Variants in KAZN observed in about 807,000 individuals in gnomAD.
KAZN encodes the protein kazrin, periplakin interacting protein.
KAZN carries 40 observed loss-of-function variants against 87.4 expected under a neutral mutation model. The ratio of observed to expected loss-of-function variants is 0.46; its 90% confidence interval spans 0.36 to 0.60. The LOEUF (loss-of-function observed/expected upper bound fraction) is 0.60, where lower values mean the gene tolerates loss of function less well. KAZN is among the 20% of genes least tolerant of loss of function. KAZN has a pLI of 0.00. For synonymous variants in KAZN, 466 were observed against 458.3 expected, an observed-to-expected ratio of 1.02 and a Z score of -0.22; for missense variants, 898 against 1,073.9, an observed-to-expected ratio of 0.84 and a Z score of 2.29.
rs1640447173 is a variant in KAZN at position 14,014,016 on chromosome 1, G to T, written c.91+120260G>T. 2.6e-5 allele frequency among the ~76,000 whole-genome samples: 4 copies of T among 152,294 alleles called. No homozygotes were observed. The South Asian group carries it at 8.3e-4, about 32-fold the overall frequency. The stretch of plus-strand genomic sequence containing the variant: ...TCCTCAGGAGGAACGGGTGTTGCTT[G>T]TCCTTGCATTAAATAGCTTTAGGCT... On this transcript the variant is annotated intron_variant, in intron 1 of 16. Coordinates refer to the KAZN transcript ENST00000636203.
Position 14,954,944 on chromosome 1 carries a change from T to C in KAZN, c.227-5740T>C, listed in dbSNP as rs528800747. Among the ~76,000 whole-genome samples, 90 of 152,208 alleles carry C rather than the reference T, an allele frequency of 5.9e-4. 2 individuals are homozygous for C. Among genetic ancestry groups the C allele is most frequent in the Middle Eastern group, 3.4e-3 (1 of 294 alleles). The stretch of plus-strand genomic sequence containing the variant: ...TCCAGCCTGGGCGACAGCACGAGAC[T>C]CCATCTCAAAAAAGAAAAGATAGTC... On this transcript the variant is annotated intron_variant, in intron 1 of 14. Coordinates refer to ENST00000376030, the MANE Select transcript of KAZN (RefSeq NM_201628.3).
chr1:14,152,324 C>T (rs189007845), intron 1 of KAZN, among the ~76,000 whole-genome samples: 79 of 152,246 alleles, frequency 5.2e-4, no homozygotes, highest in Admixed American at 4.7e-3. Flanking sequence ...CGTACCTCCC[C>T]CTGACCCTCC....
chr1:14,063,366 C>T (rs575152072), intron 1 of KAZN, among the ~76,000 whole-genome samples: 1 of 152,222 alleles, frequency 6.6e-6, no homozygotes, highest in East Asian at 1.9e-4. Flanking sequence ...AACTACCTTC[C>T]TAGCTAGCTG....
At chr1:14,093,054 G>C (rs758124775) in intron 1 of KAZN, among the ~76,000 whole-genome samples, 1 of 152,068 alleles carries the variant, frequency 6.6e-6, no homozygotes, top group Non-Finnish European at 1.5e-5. Flanking sequence ...AGTCCCTGTT[G>C]CATCTGCCCC....
At chr1:14,819,533 C>A (rs899998687) in intron 1 of KAZN, among the ~76,000 whole-genome samples, 1 of 151,978 alleles carries the variant, frequency 6.6e-6, no homozygotes, top group Non-Finnish European at 1.5e-5. Flanking sequence ...AGAAATCCTG[C>A]CTCAAGACTG....
At chr1:14,373,553 A>C (rs532795752) in intron 2 of KAZN, among the ~76,000 whole-genome samples, 1 of 152,148 alleles carries the variant, frequency 6.6e-6, no homozygotes, top group Non-Finnish European at 1.5e-5. Flanking sequence ...TTCAAATGCT[A>C]ATCTCTTCCA....
At chr1:14,973,426 A>G (rs1665285091) in intron 2 of KAZN, among the ~76,000 whole-genome samples, 1 of 152,244 alleles carries the variant, frequency 6.6e-6, no homozygotes, top group South Asian at 2.1e-4. Flanking sequence ...ACACCTGAAC[A>G]AAGGGGCACG....
intron 8 of KAZN, among the ~76,000 whole-genome samples, chr1:15,071,614 G>A (rs1639511100): frequency 6.6e-6 from 1 of 152,178 alleles, no homozygotes; most frequent in Admixed American, 6.5e-5. Context: ...TCCCGTGGCT[G>A]GAAAATATGC....
chr1:14,907,937 G>A lies in KAZN; in HGVS notation c.227-52747G>A, dbSNP rs113392228. On this transcript the variant is annotated intron_variant, in intron 1 of 14. Coordinates refer to ENST00000376030, the MANE Select transcript of KAZN (RefSeq NM_201628.3). ...CCCTGTTTCATTAGGGCCATGAGTT[G>A]GACTTTGCTATGCCAACCCAGACTG... Among the ~76,000 whole-genome samples the A allele has an allele frequency of 7.2e-4, 109 of 152,322 alleles. 1 individual carries two copies. The Middle Eastern group carries it at 0.01, about 14-fold the overall frequency.
chr1:14,535,913 C>T (rs1198057188), intron 2 of KAZN, among the ~76,000 whole-genome samples: 1 of 152,130 alleles, frequency 6.6e-6, no homozygotes, highest in East Asian at 1.9e-4. Flanking sequence ...AATCAGGAAC[C>T]CAGATCACCA....
At chr1:14,883,300 G>A (rs867825441) in intron 1 of KAZN, among the ~76,000 whole-genome samples, 120 of 42,926 alleles carry the variant, frequency 2.8e-3, no homozygotes, top group African/African-American at 7.6e-3. Flanking sequence ...CATCTCAAAA[G>A]AAAGAAAGAA....
intron 1 of KAZN, among the ~76,000 whole-genome samples, chr1:14,139,667 A>G (rs891785961): frequency 1.3e-5 from 2 of 152,118 alleles, no homozygotes; most frequent in Non-Finnish European, 2.9e-5. Flanking sequence ...GCCAGGGCTG[A>G]TTGATATTAG....
chr1:14,052,559 A>AT (rs1331003241), intron 1 of KAZN, among the ~76,000 whole-genome samples: 1 of 151,828 alleles, frequency 6.6e-6, no homozygotes, highest in Non-Finnish European at 1.5e-5. Context: ...AACAAGAGAA[A>AT]TTGACAGGAA....
intron 1 of KAZN, among the ~76,000 whole-genome samples, chr1:14,729,539 G>A (rs774860643): frequency 2.6e-5 from 4 of 152,210 alleles, no homozygotes; most frequent in African/African-American, 4.8e-5. Flanking sequence ...GGAAGAGCAG[G>A]GAATTCCAGA....
chr1:14,495,282 C>T (rs1290255235), intron 2 of KAZN, among the ~76,000 whole-genome samples: 1 of 152,130 alleles, frequency 6.6e-6, no homozygotes, highest in African/African-American at 2.4e-5. Flanking sequence ...TAAAAGAAAA[C>T]CATAAAGAAA....
Position 14,784,728 on chromosome 1 carries a change from C to T in KAZN, c.227-175956C>T, listed in dbSNP as rs113259701. On this transcript the variant is annotated intron_variant, in intron 1 of 14. Coordinates refer to ENST00000376030, the MANE Select transcript of KAZN (RefSeq NM_201628.3). Reference sequence around the variant, plus strand: ...GAGCCAACACCATGCCACTGCACTCCGGCCTGGGCAACAGAGCAAGACTTT... The same window carrying T: ...GAGCCAACACCATGCCACTGCACTCTGGCCTGGGCAACAGAGCAAGACTTT... Among the ~76,000 whole-genome samples, 557 of 152,254 alleles carry T rather than the reference C, an allele frequency of 3.7e-3. 2 individuals carry two copies. Among genetic ancestry groups the T allele is most frequent in the African/African-American group, 0.012 (509 of 41,534 alleles).
chr1:14,468,193 G>A (rs186789587), intron 2 of KAZN, among the ~76,000 whole-genome samples: 13 of 152,262 alleles, frequency 8.5e-5, no homozygotes, highest in Admixed American at 3.9e-4. Context: ...GTGTTCAAAC[G>A]TTTGTCTTTA....
chr1:13,969,284 GA>G (rs1642054477), intron 1 of KAZN, among the ~76,000 whole-genome samples: 1 of 152,202 alleles, frequency 6.6e-6, no homozygotes. Flanking sequence ...AGTCATTGCA[GA>G]TGTCATTAGT....
At chr1:14,002,682 A>T (rs1212083880) in intron 1 of KAZN, among the ~76,000 whole-genome samples, 3 of 152,222 alleles carry the variant, frequency 2.0e-5, no homozygotes, top group African/African-American at 7.2e-5. Context: ...CAGAATGGTG[A>T]TTATTAAAAA....
Sources: allele counts gnomAD v4.1 joint callset (sites outside exome capture counted in the v4.1 genomes callset), GRCh38; gene constraint gnomAD v4.1.1; transcripts MANE v1.5; gene names NCBI Gene and HGNC (gene_info 2026-07-23, HGNC 2026-07-21).